The following TMEM217B variants were observed in gnomAD, a reference collection of about 807,000 sequenced individuals.
TMEM217B encodes the protein transmembrane protein 217B.
the TMEM217B span, among the ~76,000 whole-genome samples, chr6:37,216,160 C>T: frequency 6.6e-6 from 1 of 152,028 alleles, no homozygotes; most frequent in Non-Finnish European, 1.5e-5. Context: ...CTCACTGCAA[C>T]CTCCATCTCC....
the TMEM217B span, among the ~76,000 whole-genome samples, chr6:37,219,844 G>C: frequency 1.8e-3 from 275 of 152,264 alleles, 1 homozygote; most frequent in Non-Finnish European, 2.8e-3. Context: ...GATGTTTCAG[G>C]ATATAACCAG....
the TMEM217B span, among the ~76,000 whole-genome samples, chr6:37,236,770 GA>G: frequency 6.6e-6 from 1 of 152,130 alleles, no homozygotes; most frequent in Non-Finnish European, 1.5e-5. Flanking sequence ...GAGGACTTCA[GA>G]CAGAGCACAG....
chr6:37,241,431 G>A, the TMEM217B span, among the ~76,000 whole-genome samples: 30 of 152,264 alleles, frequency 2.0e-4, no homozygotes, highest in African/African-American at 6.5e-4. Flanking sequence ...TGTACCTGGA[G>A]AGGGGACTGG....
At chr6:37,213,190 A>G in the TMEM217B span, among the ~76,000 whole-genome samples, 1 of 152,232 alleles carries the variant, frequency 6.6e-6, no homozygotes, top group Non-Finnish European at 1.5e-5. Context: ...CACATCATTG[A>G]GAAATGAATG....
the TMEM217B span, among the ~76,000 whole-genome samples, chr6:37,216,936 C>T: frequency 4.1e-3 from 621 of 152,266 alleles, no homozygotes; most frequent in African/African-American, 0.013. Context: ...CCTACTGGCA[C>T]CTTGATATTG....
the TMEM217B span, among the ~76,000 whole-genome samples, chr6:37,231,474 A>C: frequency 6.7e-6 from 1 of 149,994 alleles, no homozygotes; most frequent in African/African-American, 2.4e-5. Context: ...GGAGATGGAG[A>C]CCATCCTGGC....
chr6:37,234,464 C>T, the TMEM217B span, among the ~76,000 whole-genome samples: 60 of 152,224 alleles, frequency 3.9e-4, no homozygotes, highest in African/African-American at 1.3e-3. Context: ...ATAACCTCAT[C>T]GTAAGTTGAG....
At chr6:37,222,775 G>A in the TMEM217B span, among the ~76,000 whole-genome samples, 4 of 152,228 alleles carry the variant, frequency 2.6e-5, no homozygotes, top group Non-Finnish European at 4.4e-5. Flanking sequence ...TTTGGTTTGG[G>A]CGGCTGCAGT....
At chr6:37,214,243 CTT>C in the TMEM217B span, among the ~76,000 whole-genome samples, 1 of 152,120 alleles carries the variant, frequency 6.6e-6, no homozygotes, top group Non-Finnish European at 1.5e-5. Context: ...CTCTCTCTCT[CTT>C]TCGACAGAGT....
the TMEM217B span, among the ~76,000 whole-genome samples, chr6:37,221,007 G>C: frequency 6.6e-6 from 1 of 151,950 alleles, no homozygotes; most frequent in African/African-American, 2.4e-5. Context: ...CAGTTTAGTA[G>C]TGTTAAGTAT....
At chr6:37,221,223 G>T in the TMEM217B span, among the ~76,000 whole-genome samples, 7 of 149,410 alleles carry the variant, frequency 4.7e-5, no homozygotes, top group Non-Finnish European at 1.0e-4. Context: ...GTCTCGCTCT[G>T]TCGCCCAGGC....
the TMEM217B span, chr6:37,218,349 T>A: frequency 3.9e-6 from 5 of 1,278,024 alleles, no homozygotes; most frequent in Non-Finnish European, 4.3e-6. Context: ...TCTATTTTTT[T>A]TAGTAGAGAC....
the TMEM217B span, among the ~76,000 whole-genome samples, chr6:37,250,715 GTGTA>G: frequency 4.6e-5 from 7 of 152,240 alleles, no homozygotes; most frequent in African/African-American, 1.2e-4. Flanking sequence ...ACACACACAC[GTGTA>G]TGTATGTGTA....
At chr6:37,251,661 A>G in the TMEM217B span, among the ~76,000 whole-genome samples, 1 of 152,274 alleles carries the variant, frequency 6.6e-6, no homozygotes, top group African/African-American at 2.4e-5. Context: ...TAAAACATGC[A>G]TGGGAATGCT....
chr6:37,218,926 C>A, the TMEM217B span: 9 of 1,614,144 alleles, frequency 5.6e-6, no homozygotes, highest in Admixed American at 1.5e-4. Flanking sequence ...TCCCTAGGTG[C>A]TTCTGTTCAA....
the TMEM217B span, among the ~76,000 whole-genome samples, chr6:37,250,574 C>T: frequency 4.1e-4 from 63 of 152,368 alleles, no homozygotes; most frequent in African/African-American, 1.1e-3. Flanking sequence ...GATTTAGCAA[C>T]GCCTTTCCTA....
At chr6:37,249,391 C>T in the TMEM217B span, among the ~76,000 whole-genome samples, 1 of 152,122 alleles carries the variant, frequency 6.6e-6, no homozygotes, top group Non-Finnish European at 1.5e-5. Flanking sequence ...GCAATCTTGG[C>T]TCACTGCAAC....
chr6:37,219,399 C>A, the TMEM217B span, among the ~76,000 whole-genome samples: 112 of 152,260 alleles, frequency 7.4e-4, no homozygotes, highest in African/African-American at 2.5e-3. Context: ...TAGTAATTTT[C>A]GTATGTAGCC....
the TMEM217B span, chr6:37,212,292 C>T: frequency 2.8e-6 from 1 of 351,632 alleles, no homozygotes; most frequent in South Asian, 2.2e-5. Context: ...AATCATTCCT[C>T]AGTGCGTAAA....
Sources: gnomAD v4.1 joint callset for allele counts (sites outside exome capture counted in the v4.1 genomes callset) on GRCh38, gnomAD v4.1.1 for gene constraint, MANE v1.5 for transcripts, NCBI Gene and HGNC (gene_info 2026-07-23, HGNC 2026-07-21) for gene names.